MAP1S: variants seen among roughly 807,000 people sequenced by gnomAD.
MAP1S encodes microtubule-associated protein 1S.
MAP1S carries 27 observed loss-of-function variants against 60.9 expected under a neutral mutation model. The ratio of observed to expected loss-of-function variants is 0.44; its 90% CI spans 0.33 to 0.61. The LOEUF (loss-of-function observed/expected upper bound fraction) is 0.61. Ranked by LOEUF, MAP1S falls within the 20% of genes least tolerant of loss-of-function variation. The probability of loss-of-function intolerance (pLI) is 0.03; values close to 1 mark genes in which losing one functional copy is unlikely to be tolerated. For missense variants in MAP1S, 1,608 were observed against 1,486.6 expected, an observed-to-expected ratio of 1.08 and a Z score of -1.34; for synonymous variants, 826 against 694.2, an observed-to-expected ratio of 1.19 and a Z score of -2.98.
At position 17,727,744 on chromosome 19, in the gene MAP1S, T is replaced by A; in HGVS notation, c.2360T>A (p.Val787Asp). 6.2e-7 allele frequency: 1 copy of A among 1,606,352 alleles called. No homozygotes were observed. Among genetic ancestry groups the A allele is most frequent in the Non-Finnish European group, 8.5e-7 (1 of 1,176,236 alleles). Residue 787 changes from valine (V) to aspartate (D), a missense_variant, in exon 5 of 7, where the codon GTC becomes GAC. By Grantham distance (152) the Val-to-Asp change is radical (BLOSUM62 -3). Around this residue, in one of 4 missense-constraint regions of MAP1S, gnomAD observed 1,167 missense variants for 961.4 expected, o/e 1.21. Coordinates refer to ENST00000324096, the MANE Select transcript of MAP1S (RefSeq NM_018174.6). The surrounding 1 kb of genome is among the most constrained non-coding windows in gnomAD (Gnocchi z 4.1). ...LGAEETPPTS[V>D]SESLPTLSDS... ...GCCGAGGAGACGCCACCCACATCGGTCAGCGAGTCCCTGCCCACCCTGTCT... is the reference window on the plus strand; with the variant it reads ...GCCGAGGAGACGCCACCCACATCGGACAGCGAGTCCCTGCCCACCCTGTCT...
rs757641348 is a variant in MAP1S, at chr19:17,727,317, C to G, written c.1933C>G (p.Arg645Gly). 3.1e-6 allele frequency: 5 copies of G among 1,591,176 alleles called. No individual in the cohort carries two copies. The Admixed American group carries it at 5.2e-5, about 17-fold the overall frequency. ...RPRTPSPESH[R>G]SPAEGSERLS... Reference sequence around the variant, plus strand: ...ACGCACACCCTCCCCTGAGTCCCACCGGAGCCCCGCAGAGGGCAGCGAGCG... The same window carrying G: ...ACGCACACCCTCCCCTGAGTCCCACGGGAGCCCCGCAGAGGGCAGCGAGCG... The change falls in exon 5 of 7, where the codon CGG becomes GGG. Residue 645 changes from arginine to glycine, a missense_variant. By Grantham distance (125) the Arg-to-Gly change is moderately radical (BLOSUM62 -2). Coordinates refer to ENST00000324096, the MANE Select transcript of MAP1S (RefSeq NM_018174.6). The surrounding 1 kb of genome is among the most constrained non-coding windows in gnomAD (Gnocchi z 4.1).
At chr19:17,734,235 T>C in intron 6 of MAP1S, 38 bp from the exon 7 acceptor site, 3 of 1,573,568 alleles carry the variant, frequency 1.9e-6, no homozygotes, top group Non-Finnish European at 2.6e-6. Context: ...CCCTCACTGG[T>C]GGTCCACTCT....
intron 1 of MAP1S, 31 bp from the exon 2 acceptor site, chr19:17,720,905 A>T: frequency 6.4e-7 from 1 of 1,564,576 alleles, no homozygotes; most frequent in Non-Finnish European, 8.8e-7. Flanking sequence ...GGCCCGGCTG[A>T]ACTCCCGCCT....
intron 5 of MAP1S, among the ~76,000 whole-genome samples, chr19:17,729,232 G>T (rs2080471674): frequency 6.6e-6 from 1 of 152,146 alleles, no homozygotes; most frequent in Admixed American, 6.5e-5. Flanking sequence ...CCAGTAGCAA[G>T]TTGTAACAGT....
At chr19:17,733,487 AC>A in intron 6 of MAP1S, 59 bp downstream of exon 6, 1 of 1,352,298 alleles carries the variant, frequency 7.4e-7, no homozygotes, top group Non-Finnish European at 9.9e-7. Flanking sequence ...GGGTAAAACC[AC>A]CCTCGACCCT....
At chr19:17,733,552 G>C in intron 6 of MAP1S, 124 bp downstream of exon 6, 2 of 747,224 alleles carry the variant, frequency 2.7e-6, no homozygotes, top group Non-Finnish European at 4.2e-6. Flanking sequence ...GAATGTGGGA[G>C]TCTCACATGG....
Position 17,725,841 on chromosome 19 carries a change from C to G in MAP1S, c.457C>G (p.Leu153Val), listed in dbSNP as rs753266653. The G allele has an allele frequency of 1.7e-5, 27 of 1,611,370 alleles. No homozygotes were observed. The highest frequency in any genetic ancestry group is 2.0e-5 in the Non-Finnish European group (23 of 1,179,158). ...VLKDREIRDI[L>V]ATTPPPVQPP... is the part of the protein sequence containing the mutation. Reference sequence around the variant, plus strand: ...CTCCTCCATACAGATCCGGGACATCCTGGCCACCACGCCCCCACCTGTGCA... The same window carrying G: ...CTCCTCCATACAGATCCGGGACATCGTGGCCACCACGCCCCCACCTGTGCA... Residue 153 changes from leucine (L) to valine (V), a missense_variant, in exon 5 of 7, where the codon CTG (leucine) becomes GTG (valine). By Grantham distance (32) the Leu-to-Val change is conservative. Around this residue, in one of 4 missense-constraint regions of MAP1S, gnomAD observed 320 missense variants for 393.1 expected, o/e 0.81. Transcript: ENST00000324096. This position sits in a 1 kb window ranked among gnomAD's most constrained non-coding sequence, Gnocchi z 4.2.
rs539870902 is a variant in MAP1S, at chr19:17,727,507, C to T, written c.2123C>T (p.Pro708Leu). The T allele has an allele frequency of 1.2e-6, 2 of 1,610,776 alleles. No individual in the cohort carries two copies. Among genetic ancestry groups the T allele is most frequent in the Admixed American group, 1.7e-5 (1 of 59,902 alleles). The change falls in exon 5 of 7, where the codon CCA (proline) becomes CTA (leucine). Residue 708 changes from proline to leucine, a missense_variant. This residue lies in a region of MAP1S where 1,167 missense variants were observed against 961.4 expected (regional missense o/e 1.21). Coordinates refer to ENST00000324096, the MANE Select transcript of MAP1S (RefSeq NM_018174.6). This position sits in a 1 kb window ranked among gnomAD's most constrained non-coding sequence, Gnocchi z 4.1. The part of the protein sequence containing the change: ...LSVSFEQVLP[P>L]SAPTSEAGLS... The stretch of plus-strand genomic sequence containing the variant: ...GTGTCCTTTGAGCAGGTGCTGCCGC[C>T]ATCCGCCCCCACCAGTGAGGCTGGG...
At position 17,727,947 on chromosome 19, in the gene MAP1S, C is replaced by G. The variant is rs1345401560; in HGVS notation, c.2563C>G (p.Gln855Glu). ...PEMLPPKTAR[Q>E]TENVSRTRKP... ...GATGCTGCCCCCCAAGACAGCACGG[C>G]AAACGGAGAACGTCAGCCGCACCCG... The change falls in exon 5 of 7, where the codon CAA becomes GAA. Residue 855 changes from glutamine (Q) to glutamate (E), a missense_variant. By Grantham distance (29) the Gln-to-Glu change is conservative (BLOSUM62 2). Transcript: ENST00000324096. The surrounding 1 kb of genome is among the most constrained non-coding windows in gnomAD (Gnocchi z 4.1). 25 of 1,607,922 alleles carry G rather than the reference C, an allele frequency of 1.6e-5. No individual in the cohort carries two copies. Among genetic ancestry groups the G allele is most frequent in the Non-Finnish European group, 2.0e-5 (24 of 1,176,696 alleles).
intron 5 of MAP1S, among the ~76,000 whole-genome samples, chr19:17,731,472 C>A (rs1325087744): frequency 6.6e-6 from 1 of 152,160 alleles, no homozygotes; most frequent in African/African-American, 2.4e-5. Context: ...ATATGTCTGT[C>A]TTTATGCCAG....
At chr19:17,720,565 G>A in intron 1 of MAP1S, 1 of 1,430,276 alleles carries the variant, frequency 7.0e-7, no homozygotes. Context: ...TGCTGAGGGG[G>A]AAGGGCCCCC....
chr19:17,726,424 G>T lies in MAP1S; in HGVS notation c.1040G>T (p.Arg347Leu). ...VFFNACEAAS[R>L]LARGEDEAEL... ...TTCAACGCCTGCGAGGCCGCGTCGCGGCTGGCGCGCGGCGAGGATGAGGCG... is the reference window on the plus strand; with the variant it reads ...TTCAACGCCTGCGAGGCCGCGTCGCTGCTGGCGCGCGGCGAGGATGAGGCG... The change falls in exon 5 of 7, where the codon CGG (arginine) becomes CTG (leucine). Residue 347 changes from arginine to leucine, a missense_variant. By Grantham distance (102) the Arg-to-Leu change is moderately radical (BLOSUM62 -2). Around this residue, in one of 4 missense-constraint regions of MAP1S, gnomAD observed 1,167 missense variants for 961.4 expected, o/e 1.21. Coordinates refer to ENST00000324096, the MANE Select transcript of MAP1S (RefSeq NM_018174.6). The T allele has an allele frequency of 1.3e-6, 2 of 1,566,800 alleles. No individual in the cohort carries two copies. The highest frequency in any genetic ancestry group is 1.7e-6 in the Non-Finnish European group (2 of 1,163,748).
rs774928303 is a variant in MAP1S, at chr19:17,727,294, G to A, written c.1910G>A (p.Arg637His). 1.9e-6 allele frequency: 3 copies of A among 1,589,640 alleles called. No homozygotes were observed. Among genetic ancestry groups the A allele is most frequent in the Admixed American group, 1.7e-5 (1 of 57,788 alleles). The change falls in exon 5 of 7, where the codon CGC becomes CAC. Residue 637 changes from arginine to histidine, a missense_variant. Physicochemically the swap from Arg to His is conservative, Grantham distance 29. Coordinates refer to ENST00000324096, the MANE Select transcript of MAP1S (RefSeq NM_018174.6). The surrounding 1 kb of genome is among the most constrained non-coding windows in gnomAD (Gnocchi z 4.1). ...PLAASSIPRP[R>H]TPSPESHRSP... is the part of the protein sequence containing the mutation. ...GCCGCCAGCTCAATCCCAAGGCCAC[G>A]CACACCCTCCCCTGAGTCCCACCGG... is the stretch of plus-strand genomic sequence containing the variant.
At position 17,734,259 on chromosome 19, in the gene MAP1S, C is replaced by T. The variant is rs781444865; in HGVS notation, c.3025-14C>T. 2.7e-5 allele frequency: 44 copies of T among 1,607,108 alleles called. No homozygotes were observed. Among genetic ancestry groups the T allele is most frequent in the Non-Finnish European group, 3.7e-5 (43 of 1,174,954 alleles). The stretch of plus-strand genomic sequence containing the variant: ...GTGGTCCACTCTCCCCACACACCCC[C>T]CCTCCACCTGCAGGTGACCCTGATC... On this transcript the variant is annotated splice_polypyrimidine_tract_variant and intron_variant, in intron 6 of 6. Transcript: ENST00000324096.
intron 6 of MAP1S, among the ~76,000 whole-genome samples, chr19:17,734,059 G>C (rs1263573027): frequency 6.6e-6 from 1 of 152,230 alleles, no homozygotes; most frequent in African/African-American, 2.4e-5. Flanking sequence ...GTGCTGAGAA[G>C]GCTCTTTGGG....
chr19:17,721,064 C>T, intron 2 of MAP1S, 27 bp downstream of exon 2: 4 of 1,580,918 alleles, frequency 2.5e-6, no homozygotes, highest in Non-Finnish European at 2.6e-6. Context: ...CCTGACTGCT[C>T]CCTACCTCTT....
rs779386788 is a variant in MAP1S, at chr19:17,725,068, A to C, written c.323A>C (p.Asp108Ala). ...LYDELRNLLLDPASHKLLVLA... is the reference protein window; with the variant it reads ...LYDELRNLLLAPASHKLLVLA... The stretch of plus-strand genomic sequence containing the variant: ...CCTCAGCTCCGGAACCTTCTGTTGG[A>C]CCCTGCCTCTCACAAGCTACTGGTG... The change falls in exon 4 of 7, where the codon GAC (aspartate) becomes GCC (alanine). Residue 108 changes from aspartate to alanine, a missense_variant. Around this residue, in one of 4 missense-constraint regions of MAP1S, gnomAD observed 320 missense variants for 393.1 expected, o/e 0.81. Coordinates refer to ENST00000324096, the MANE Select transcript of MAP1S (RefSeq NM_018174.6). This position sits in a 1 kb window ranked among gnomAD's most constrained non-coding sequence, Gnocchi z 4.2. 20 of 1,613,788 alleles carry C rather than the reference A, an allele frequency of 1.2e-5. No homozygotes were observed. The highest frequency in any genetic ancestry group is 1.7e-5 in the Non-Finnish European group (20 of 1,179,988).
In MAP1S at chr19:17,727,369, G is replaced by T; in HGVS notation, c.1985G>T (p.Gly662Val). Residue 662 changes from glycine (G) to valine (V), a missense_variant, in exon 5 of 7, where the codon GGG (glycine) becomes GTG (valine). By Grantham distance (109) the Gly-to-Val change is moderately radical. Coordinates refer to ENST00000324096, the MANE Select transcript of MAP1S (RefSeq NM_018174.6). This position sits in a 1 kb window ranked among gnomAD's most constrained non-coding sequence, Gnocchi z 4.1. ...ERLSLSPLRG[G>V]EAGPDASPTV... ...CTGTCGCTGAGCCCACTGCGGGGCGGGGAGGCCGGGCCAGACGCCTCACCC... is the reference window on the plus strand; with the variant it reads ...CTGTCGCTGAGCCCACTGCGGGGCGTGGAGGCCGGGCCAGACGCCTCACCC... The T allele has an allele frequency of 1.9e-6, 3 of 1,589,116 alleles. No homozygotes were observed. Among genetic ancestry groups the T allele is most frequent in the Middle Eastern group, 1.7e-4 (1 of 5,988 alleles).
In MAP1S at chr19:17,726,264, G is replaced by A; in HGVS notation, c.880G>A (p.Gly294Ser). The change falls in exon 5 of 7, where the codon GGC becomes AGC. Residue 294 changes from glycine to serine, a missense_variant. Physicochemically the swap from Gly to Ser is moderately conservative, Grantham distance 56. Coordinates refer to ENST00000324096, the MANE Select transcript of MAP1S (RefSeq NM_018174.6). Reference protein sequence around the residue: ...RVDAVLVTHPGADSLPGLNSL... With the variant: ...RVDAVLVTHPSADSLPGLNSL... ...GGATGCCGTGCTGGTGACCCACCCT[G>A]GCGCCGACAGCCTCCCCGGCCTCAA... The A allele has an allele frequency of 6.2e-7, 1 of 1,606,540 alleles. No homozygotes were observed. The highest frequency in any genetic ancestry group is 8.5e-7 in the Non-Finnish European group (1 of 1,177,228).
Sources: gnomAD v4.1 joint callset for allele counts (sites outside exome capture counted in the v4.1 genomes callset) on GRCh38, gnomAD v4.1.1 for gene constraint, gnomAD v4.1.1 regional missense constraint, Gnocchi (gnomAD v3.1) non-coding constraint, MANE v1.5 for transcripts, NCBI Gene and HGNC (gene_info 2026-07-23, HGNC 2026-07-21) for gene names.